Variants in ODAD2 observed in about 807,000 individuals in gnomAD.
The protein encoded by ODAD2 is outer dynein arm docking complex subunit 2.
In ODAD2, 89 loss-of-function variants were observed where a neutral mutation model predicts 106.8. That is an observed-to-expected ratio of 0.83 (90% CI 0.70 to 0.99). The LOEUF (loss-of-function observed/expected upper bound fraction) is 0.99, where lower values mean the gene tolerates loss of function less well. Ranked by LOEUF, ODAD2 falls within the 50% of genes least tolerant of loss-of-function variation. The pLI is 0.00. For synonymous variants in ODAD2, 404 were observed against 436.2 expected, an observed-to-expected ratio of 0.93 and a Z score of 0.92; for missense variants, 1,168 against 1,238.5, an observed-to-expected ratio of 0.94 and a Z score of 0.85.
At chr10:27,987,940 A>G (rs879824593) in intron 2 of ODAD2, among the ~76,000 whole-genome samples, 1 of 151,348 alleles carries the variant, frequency 6.6e-6, no homozygotes, top group African/African-American at 2.4e-5. Context: ...TATTTATAAA[A>G]TTTTTACACC....
intron 10 of ODAD2, among the ~76,000 whole-genome samples, chr10:27,947,647 A>C (rs1456043079): frequency 6.6e-6 from 1 of 152,226 alleles, no homozygotes; most frequent in Non-Finnish European, 1.5e-5. Flanking sequence ...TGTCTGAAGT[A>C]GCAGAGCAGG....
intron 19 of ODAD2, among the ~76,000 whole-genome samples, chr10:27,834,813 C>A (rs896628011): frequency 6.6e-6 from 1 of 152,130 alleles, no homozygotes; most frequent in Non-Finnish European, 1.5e-5. Context: ...TCCTTGTTTA[C>A]CAACAGCCCA....
At chr10:27,905,700 A>G (rs1843537949) in intron 17 of ODAD2, among the ~76,000 whole-genome samples, 1 of 152,226 alleles carries the variant, frequency 6.6e-6, no homozygotes, top group Admixed American at 6.5e-5. Flanking sequence ...CAGAGGCCTC[A>G]GAAATAATGC....
intron 17 of ODAD2, among the ~76,000 whole-genome samples, chr10:27,893,499 A>C (rs2133729666): frequency 6.6e-6 from 1 of 152,196 alleles, no homozygotes; most frequent in East Asian, 1.9e-4. Context: ...CTCAGCTATA[A>C]TTAACAATGG....
intron 16 of ODAD2, among the ~76,000 whole-genome samples, chr10:27,929,005 A>C (rs960664935): frequency 1.3e-5 from 2 of 152,210 alleles, no homozygotes; most frequent in African/African-American, 2.4e-5. Flanking sequence ...CAATGGTTCC[A>C]GAATCCATAT....
At chr10:27,967,391 C>T (rs1245455457) in intron 9 of ODAD2, among the ~76,000 whole-genome samples, 3 of 152,178 alleles carry the variant, frequency 2.0e-5, no homozygotes, top group Non-Finnish European at 2.9e-5. Flanking sequence ...AGGACTCCCC[C>T]GTCACACTGT....
At position 27,981,497 on chromosome 10, in the gene ODAD2, G is replaced by T; in HGVS notation, c.905C>A (p.Ser302Ter). The change falls in exon 7 of 20, where the codon TCA (serine) becomes TAA (stop). Residue 302 changes from serine to a stop codon, truncating the protein, a stop_gained. Transcript: ENST00000305242. LOFTEE classifies it high-confidence loss of function. ...KNLVTFLREKSPKFSENMSKL... is the reference protein window; with the variant it reads ...KNLVTFLREK ...AGACATATTTTCTGAAAATTTTGGTGATTTTTCTCTTAAAAATGTGACAAG... is the reference window on the plus strand; with the variant it reads ...AGACATATTTTCTGAAAATTTTGGTTATTTTTCTCTTAAAAATGTGACAAG... 1.3e-6 allele frequency: 2 copies of T among 1,520,530 alleles called. No homozygotes were observed. Among genetic ancestry groups the T allele is most frequent in the South Asian group, 2.7e-5 (2 of 73,818 alleles). The allele number at this position is 1,520,530 out of a possible 1,614,324, so 94.2% of individuals were successfully genotyped here.
chr10:27,932,080 G>A (rs769601424), intron 16 of ODAD2, among the ~76,000 whole-genome samples: 6 of 151,868 alleles, frequency 4.0e-5, no homozygotes, highest in East Asian at 1.9e-4. Flanking sequence ...GACTACAGGC[G>A]CACACCCTCA....
At chr10:27,921,046 G>T (rs1931890) in intron 16 of ODAD2, among the ~76,000 whole-genome samples, 1 of 152,128 alleles carries the variant, frequency 6.6e-6, no homozygotes, top group African/African-American at 2.4e-5. Flanking sequence ...ACTTTACAAC[G>T]TGTGGAAGGA....
intron 19 of ODAD2, among the ~76,000 whole-genome samples, chr10:27,856,819 T>C (rs1010261602): frequency 6.6e-6 from 1 of 152,024 alleles, no homozygotes; most frequent in African/African-American, 2.4e-5. Context: ...AGACAAAAAT[T>C]AGTCGGGCAT....
chr10:27,939,980 C>A lies in ODAD2; in HGVS notation c.2014G>T (p.Glu672Ter), dbSNP rs771920114. The A allele has an allele frequency of 6.2e-7, 1 of 1,610,362 alleles. No homozygotes were observed. The highest frequency in any genetic ancestry group is 8.5e-7 in the Non-Finnish European group (1 of 1,178,384). ...EENYRAAIKAERIIENLVKNL... is the reference protein window; with the variant it reads ...EENYRAAIKA ...TTGACAAGGTTTTCAATGATCCTTT[C>A]TGCTTTGATTGCAGCCCGGTAGTTT... The change falls in exon 14 of 20, where the codon GAA becomes TAA. Residue 672 changes from glutamate to a stop codon, truncating the protein, a stop_gained. Coordinates refer to ENST00000305242, the MANE Select transcript of ODAD2 (RefSeq NM_018076.5). LOFTEE classifies it high-confidence loss of function.
chr10:27,923,942 T>TAATG (rs1844972264), intron 16 of ODAD2, among the ~76,000 whole-genome samples: 1 of 76,688 alleles, frequency 1.3e-5, no homozygotes, highest in Non-Finnish European at 2.6e-5. Flanking sequence ...AGACCCTGTC[T>TAATG]AATGAAAGAA....
intron 18 of ODAD2, 143 bp downstream of exon 18, chr10:27,862,291 T>C: frequency 2.0e-6 from 1 of 502,374 alleles, no homozygotes; most frequent in Non-Finnish European, 3.4e-6. Context: ...AGAAACTAAA[T>C]GAGTTGACCA....
intron 17 of ODAD2, among the ~76,000 whole-genome samples, chr10:27,883,470 C>T (rs890161057): frequency 2.0e-5 from 3 of 152,066 alleles, no homozygotes; most frequent in Non-Finnish European, 4.4e-5. Flanking sequence ...TAAAATATTG[C>T]TTTTAACAAA....
At chr10:27,918,982 A>C (rs957410218) in intron 16 of ODAD2, among the ~76,000 whole-genome samples, 1 of 151,870 alleles carries the variant, frequency 6.6e-6, no homozygotes, top group Non-Finnish European at 1.5e-5. Flanking sequence ...AACTAGAAAA[A>C]GTATAATGGA....
chr10:27,823,529 A>G (rs1027150401), intron 19 of ODAD2, among the ~76,000 whole-genome samples: 1 of 152,190 alleles, frequency 6.6e-6, no homozygotes, highest in African/African-American at 2.4e-5. Flanking sequence ...TAGGATTTTT[A>G]ATAGTACTTT....
chr10:27,926,004 T>TAA (rs34649733), intron 16 of ODAD2, among the ~76,000 whole-genome samples: 4,151 of 102,860 alleles, frequency 0.04, 88 homozygotes, highest in Non-Finnish European at 0.054. Flanking sequence ...AGACTCCAGC[T>TAA]AAAAAAAAAA....
rs141528772 is a variant in ODAD2 at position 27,855,815 on chromosome 10, A to G, written c.3021+4810T>C. Among the ~76,000 whole-genome samples the G allele has an allele frequency of 1.4e-4, 22 of 152,320 alleles. No individual in the cohort carries two copies. In the East Asian group the frequency reaches 4.1e-3, roughly 28 times the overall value. ...TCCACTCACTCTGCCAATGCTGGAC[A>G]TACTTCTGATTGTATTTGTCTGCAA... On this transcript the variant is annotated intron_variant, in intron 19 of 19. Transcript: ENST00000305242.
intron 19 of ODAD2, among the ~76,000 whole-genome samples, chr10:27,835,125 G>A (rs1006070057): frequency 6.6e-6 from 1 of 152,174 alleles, no homozygotes; most frequent in Non-Finnish European, 1.5e-5. Flanking sequence ...TCTCAAGGCC[G>A]GCACAGTCCC....
Sources: gnomAD v4.1 joint callset for allele counts (sites outside exome capture counted in the v4.1 genomes callset) on GRCh38, gnomAD v4.1.1 for gene constraint, MANE v1.5 for transcripts, NCBI Gene and HGNC (gene_info 2026-07-23, HGNC 2026-07-21) for gene names.